Variants in LPIN3 observed in about 807,000 individuals in gnomAD.
LPIN3 encodes the protein lipin 3.
In LPIN3, 82 loss-of-function variants were observed where a neutral mutation model predicts 94.7. The ratio of observed to expected loss-of-function variants is 0.87; its 90% confidence interval spans 0.72 to 1.04. The LOEUF (loss-of-function observed/expected upper bound fraction) is 1.04, where lower values mean the gene tolerates loss of function less well. Ranked by LOEUF, LPIN3 falls within the 50% of genes least tolerant of loss-of-function variation. The pLI, the probability that LPIN3 is intolerant of heterozygous loss-of-function variation, is 0.00. For synonymous variants in LPIN3, 418 were observed against 443.3 expected (o/e 0.94, Z 0.72); for missense variants, 996 against 1,090.5 (o/e 0.91, Z 1.22).
In LPIN3 at chr20:41,358,705, C is replaced by T; in HGVS notation, c.2412-17C>T. Reference sequence around the variant, plus strand: ...GGTGGCAGCTCAGGCTCAGTGCTGGCCCCCTTCTGCCTGTAGGTATGAGCG... The same window carrying T: ...GGTGGCAGCTCAGGCTCAGTGCTGGTCCCCTTCTGCCTGTAGGTATGAGCG... On this transcript the variant is annotated splice_polypyrimidine_tract_variant and intron_variant, in intron 19 of 19. Transcript: ENST00000373257. 1 of 1,613,100 alleles carries T rather than the reference C, an allele frequency of 6.2e-7. No homozygotes were observed. Among genetic ancestry groups the T allele is most frequent in the Non-Finnish European group, 8.5e-7 (1 of 1,179,496 alleles).
intron 7 of LPIN3, among the ~76,000 whole-genome samples, chr20:41,350,927 A>T (rs1027050581): frequency 2.0e-5 from 3 of 152,180 alleles, no homozygotes; most frequent in African/African-American, 4.8e-5. Context: ...CCAAATCAGT[A>T]GCCACTGGCT....
chr20:41,357,051 C>A lies in LPIN3; in HGVS notation c.1815C>A (p.Asn605Lys). Residue 605 changes from asparagine to lysine, a missense_variant, in exon 15 of 20, where the codon AAC becomes AAA. By Grantham distance (94) the Asn-to-Lys change is moderately conservative. Coordinates refer to ENST00000373257, the MANE Select transcript of LPIN3 (RefSeq NM_022896.3). ...TTGTCTGGCCTCAGCGGCGCCTGAA[C>A]CTGCAAGAAGGTGCCAATGATGTGG... The part of the protein sequence containing the change: ...RLSSDQIRRL[N>K]LQEGANDVVF... The A allele has an allele frequency of 1.2e-6, 2 of 1,612,490 alleles. No individual in the cohort carries two copies. Among genetic ancestry groups the A allele is most frequent in the Non-Finnish European group, 1.7e-6 (2 of 1,178,652 alleles).
chr20:41,347,087 G>A (rs1023131660), intron 2 of LPIN3, among the ~76,000 whole-genome samples: 2 of 152,180 alleles, frequency 1.3e-5, no homozygotes, highest in African/African-American at 2.4e-5. Flanking sequence ...GGGTTGCAGA[G>A]ATTAAATGAG....
In LPIN3 at chr20:41,359,123, C is replaced by CTTTTT. The variant is rs75257468; in HGVS notation, c.*278_*282dup. 7.8e-5 allele frequency: 6 copies of CTTTTT among 77,026 alleles called. No individual in the cohort carries two copies. The highest frequency in any genetic ancestry group is 4.4e-4 in the South Asian group (1 of 2,296). 4.8% of individuals were successfully genotyped at this position (77,026 alleles called of 1,614,324 possible). On this transcript the variant is annotated 3_prime_UTR_variant, in exon 20 of 20. Coordinates refer to ENST00000373257, the MANE Select transcript of LPIN3 (RefSeq NM_022896.3). The stretch of plus-strand genomic sequence containing the variant: ...TTGTCATCTGGGCCCTTGCAGGGTT[C>CTTTTT]TTTTTTTTTTTTTTTTTTTTTTTTT...
chr20:41,348,722 T>C lies in LPIN3; in HGVS notation c.392T>C (p.Leu131Pro). ...QLGTASEPEG[L>P]VMAGTASTGR... is the part of the protein sequence containing the mutation. ...GGCACTGCCAGTGAGCCTGAGGGCC[T>C]CGTCATGGCAGGCACGGCCTCCACT... is the stretch of plus-strand genomic sequence containing the variant. Residue 131 changes from leucine (L) to proline (P), a missense_variant, in exon 4 of 20, where the codon CTC becomes CCC. Coordinates refer to ENST00000373257, the MANE Select transcript of LPIN3 (RefSeq NM_022896.3). 1 of 1,613,838 alleles carries C rather than the reference T, an allele frequency of 6.2e-7. No homozygotes were observed. The highest frequency in any genetic ancestry group is 1.3e-5 in the African/African-American group (1 of 75,002).
intron 5 of LPIN3, 57 bp from the exon 6 acceptor site, chr20:41,349,717 T>A: frequency 6.4e-7 from 1 of 1,559,558 alleles, no homozygotes; most frequent in Non-Finnish European, 8.7e-7. Flanking sequence ...CTGGCTGGGG[T>A]GGGCAGCAGC....
chr20:41,352,980 G>T, intron 11 of LPIN3, 113 bp downstream of exon 11: 2 of 1,180,980 alleles, frequency 1.7e-6, no homozygotes, highest in South Asian at 2.5e-5. Context: ...GGAGCCAGGG[G>T]CTAGCTGGCT....
In LPIN3 at chr20:41,345,863, G is replaced by C. The variant is rs1442871335; in HGVS notation, c.60G>C (p.Arg20=). 6.2e-7 allele frequency: 1 copy of C among 1,614,232 alleles called. No individual in the cohort carries two copies. Among genetic ancestry groups the C allele is most frequent in the Non-Finnish European group, 8.5e-7 (1 of 1,180,054 alleles). The part of the protein sequence containing the change: ...TVFGTVKELY[R]GLNPATLSGG... The stretch of plus-strand genomic sequence containing the variant: ...TTGGGACGGTGAAGGAGCTGTACCG[G>C]GGCCTGAACCCAGCCACACTGAGCG... The change falls in exon 2 of 20, where the codon CGG becomes CGC. Residue 20 remains arginine, a synonymous_variant. Transcript: ENST00000373257.
chr20:41,356,505 A>G (rs1196688834), intron 14 of LPIN3, among the ~76,000 whole-genome samples: 1 of 152,128 alleles, frequency 6.6e-6, no homozygotes, highest in Non-Finnish European at 1.5e-5. Context: ...AGCCAGTACA[A>G]AGCAGCTGCC....
intron 3 of LPIN3, 27 bp from the exon 4 acceptor site, chr20:41,348,592 G>C (rs200495336): frequency 3.2e-6 from 5 of 1,578,968 alleles, no homozygotes; most frequent in Non-Finnish European, 4.3e-6. Context: ...GTCAGCCCCC[G>C]ACCTCAGTTC....
In LPIN3 at chr20:41,349,987, G is replaced by A. The variant is rs921270503; in HGVS notation, c.760-68G>A. ...TGGAGGGACTGAAACTCGGGCCACT[G>A]CCCCAAAAGCTTTGTGGGGCATGGG... On this transcript the variant is annotated intron_variant, in intron 6 of 19. Transcript: ENST00000373257. 1.9e-6 allele frequency: 3 copies of A among 1,557,994 alleles called. No individual in the cohort carries two copies. The African/African-American group carries it at 4.1e-5, about 21-fold the overall frequency.
chr20:41,353,230 G>C (rs1452642970), intron 11 of LPIN3, among the ~76,000 whole-genome samples: 1 of 152,226 alleles, frequency 6.6e-6, no homozygotes, highest in Non-Finnish European at 1.5e-5. Flanking sequence ...TTGGGAAATG[G>C]AAGTTGCACC....
At position 41,359,126 on chromosome 20, in the gene LPIN3, T is replaced by TTA; in HGVS notation, c.*261_*262insAT. On this transcript the variant is annotated 3_prime_UTR_variant, in exon 20 of 20. Transcript: ENST00000373257. ...TCATCTGGGCCCTTGCAGGGTTCTT[T>TTA]TTTTTTTTTTTTTTTTTTTTTTCCT... The TTA allele has an allele frequency of 4.8e-6, 1 of 206,586 alleles. No individual in the cohort carries two copies. The highest frequency in any genetic ancestry group is 9.5e-5 in the East Asian group (1 of 10,484). 12.8% of individuals were successfully genotyped at this position (206,586 alleles called of 1,614,324 possible). A position where few individuals can be genotyped will look rare whatever the true frequency, so the allele number is the denominator to read the frequency against.
intron 5 of LPIN3, 25 bp downstream of exon 5, chr20:41,349,197 C>G (rs769544322): frequency 6.2e-7 from 1 of 1,600,848 alleles, no homozygotes; most frequent in South Asian, 1.1e-5. Flanking sequence ...GGGCTGCAGG[C>G]CAGGACTCCA....
At chr20:41,345,749 A>T in intron 1 of LPIN3, 47 bp from the exon 2 acceptor site, 1 of 1,550,488 alleles carries the variant, frequency 6.4e-7, no homozygotes, top group Non-Finnish European at 8.7e-7. Context: ...CTTCTTGTGG[A>T]GGAGCTGGAG....
chr20:41,350,354 TC>T lies in LPIN3; in HGVS notation c.1061del (p.Pro354GlnfsTer66), dbSNP rs1317574170. ...CATGGAGCTGGGCCACTCTGGAGGT[TC>T]CAGTTCCCACCGGGCAGCCAGAGAG... ...KSWSWATLEVPVPTGQPERVS... is the reference protein window; with the variant it reads ...KSWSWATLEVXVPTGQPERVS... On this transcript the variant is annotated frameshift_variant, in exon 7 of 20. Coordinates refer to ENST00000373257, the MANE Select transcript of LPIN3 (RefSeq NM_022896.3). LOFTEE classifies it high-confidence loss of function. 1.3e-6 allele frequency: 2 copies of T among 1,594,232 alleles called. No individual in the cohort carries two copies. Among genetic ancestry groups the T allele is most frequent in the Non-Finnish European group, 1.7e-6 (2 of 1,165,842 alleles).
At position 41,348,883 on chromosome 20, in the gene LPIN3, C is replaced by T. The variant is rs760413482; in HGVS notation, c.553C>T (p.Pro185Ser). The change falls in exon 4 of 20, where the codon CCA becomes TCA. Residue 185 changes from proline to serine, a missense_variant. Transcript: ENST00000373257. ...SLPEKLRPEP[P>S]GVQLEEKSSL... Reference sequence around the variant, plus strand: ...GCCGGAAAAGCTGAGGCCAGAGCCCCCAGGGTGTGTAAGGACCAAGGGACT... The same window carrying T: ...GCCGGAAAAGCTGAGGCCAGAGCCCTCAGGGTGTGTAAGGACCAAGGGACT... The T allele has an allele frequency of 6.2e-7, 1 of 1,603,060 alleles. No individual in the cohort carries two copies. The highest frequency in any genetic ancestry group is 1.1e-5 in the South Asian group (1 of 89,614).
chr20:41,350,658 A>T (rs2045975532), intron 7 of LPIN3, among the ~76,000 whole-genome samples: 1 of 152,054 alleles, frequency 6.6e-6, no homozygotes, highest in Admixed American at 6.5e-5. Context: ...GTGATGTTGG[A>T]GCTAAGACAT....
At position 41,348,739 on chromosome 20, in the gene LPIN3, G is replaced by T; in HGVS notation, c.409G>T (p.Ala137Ser). The T allele has an allele frequency of 6.2e-7, 1 of 1,613,734 alleles. No homozygotes were observed. Among genetic ancestry groups the T allele is most frequent in the South Asian group, 1.1e-5 (1 of 90,984 alleles). ...EPEGLVMAGT[A>S]STGRRKRRRR... is the part of the protein sequence containing the mutation. ...TGAGGGCCTCGTCATGGCAGGCACG[G>T]CCTCCACTGGGCGGAGGAAGAGGCG... The change falls in exon 4 of 20, where the codon GCC (alanine) becomes TCC (serine). Residue 137 changes from alanine to serine, a missense_variant. Ala to Ser is a moderately conservative substitution (Grantham distance 99). Transcript: ENST00000373257.
Sources: gnomAD v4.1 joint callset for allele counts (sites outside exome capture counted in the v4.1 genomes callset) on GRCh38, gnomAD v4.1.1 for gene constraint, MANE v1.5 for transcripts, NCBI Gene and HGNC (gene_info 2026-07-23, HGNC 2026-07-21) for gene names.